The following ST6GALNAC3 variants were observed in gnomAD, a reference collection of about 807,000 sequenced individuals.
ST6GALNAC3 encodes the protein alpha-N-acetylgalactosaminide alpha-2,6-sialyltransferase 3.
Under a neutral mutation model 32.7 loss-of-function variants are expected in ST6GALNAC3, and 25 were observed. The observed-to-expected ratio is 0.76, with a 90% CI of 0.56 to 1.07. ST6GALNAC3 has a LOEUF of 1.07. Ranked by LOEUF, ST6GALNAC3 falls within the 50% of genes least tolerant of loss-of-function variation. ST6GALNAC3 has a pLI of 0.00. For synonymous variants in ST6GALNAC3, 129 were observed against 133.1 expected, an observed-to-expected ratio of 0.97 and a Z score of 0.21; for missense variants, 355 against 382.4, an observed-to-expected ratio of 0.93 and a Z score of 0.60.
intron 3 of ST6GALNAC3, among the ~76,000 whole-genome samples, chr1:76,491,473 G>A (rs538603933): frequency 1.3e-5 from 2 of 152,206 alleles, no homozygotes; most frequent in Non-Finnish European, 2.9e-5. Flanking sequence ...GGGAGGTGGT[G>A]TTCACCCCTG....
At chr1:76,171,817 C>CAA (rs11316194) in intron 1 of ST6GALNAC3, among the ~76,000 whole-genome samples, 1,509 of 133,026 alleles carry the variant, frequency 0.011, 26 homozygotes, top group African/African-American at 0.041. Flanking sequence ...AAAACAACAA[C>CAA]AAAAAAAAAA....
At chr1:76,085,494 A>G (rs1216109646) in intron 1 of ST6GALNAC3, among the ~76,000 whole-genome samples, 2 of 152,198 alleles carry the variant, frequency 1.3e-5, no homozygotes, top group Non-Finnish European at 2.9e-5. Flanking sequence ...TGAAGCTTAG[A>G]GAGGCCAAGT....
At chr1:76,436,189 G>A (rs1028922386) in intron 3 of ST6GALNAC3, among the ~76,000 whole-genome samples, 1 of 152,114 alleles carries the variant, frequency 6.6e-6, no homozygotes, top group African/African-American at 2.4e-5. Context: ...TTGTCTGTGT[G>A]TGTCAGTTTG....
chr1:76,524,507 T>C (rs953274430), intron 3 of ST6GALNAC3, among the ~76,000 whole-genome samples: 2 of 152,180 alleles, frequency 1.3e-5, no homozygotes, highest in African/African-American at 4.8e-5. Context: ...CTTTATGTTA[T>C]TCATATTCAT....
At chr1:76,358,106 G>A (rs760748330) in intron 2 of ST6GALNAC3, among the ~76,000 whole-genome samples, 47 of 152,026 alleles carry the variant, frequency 3.1e-4, no homozygotes, top group Middle Eastern at 3.4e-3. Flanking sequence ...GGTATGTCTC[G>A]AATCTCTCCA....
chr1:76,525,117 A>C (rs879781900), intron 3 of ST6GALNAC3, among the ~76,000 whole-genome samples: 1 of 152,136 alleles, frequency 6.6e-6, no homozygotes, highest in African/African-American at 2.4e-5. Context: ...GAGTAACAAT[A>C]TAAATGACTT....
intron 1 of ST6GALNAC3, among the ~76,000 whole-genome samples, chr1:76,178,387 A>G (rs1212573243): frequency 6.6e-6 from 1 of 152,230 alleles, no homozygotes; most frequent in African/African-American, 2.4e-5. Flanking sequence ...TCAGTGGATG[A>G]TGGACCAACC....
chr1:76,154,381 C>T (rs1467229222), intron 1 of ST6GALNAC3, among the ~76,000 whole-genome samples: 2 of 152,170 alleles, frequency 1.3e-5, no homozygotes, highest in Non-Finnish European at 2.9e-5. Context: ...CCCCGAAGAG[C>T]ACTGCATTTA....
At chr1:76,096,720 G>A (rs1352344821) in intron 1 of ST6GALNAC3, among the ~76,000 whole-genome samples, 4 of 151,330 alleles carry the variant, frequency 2.6e-5, no homozygotes, top group Non-Finnish European at 5.9e-5. Context: ...ACAGAACATC[G>A]TAGGTGTCCC....
intron 2 of ST6GALNAC3, among the ~76,000 whole-genome samples, chr1:76,394,947 T>C (rs11162145): frequency 0.29 from 44,014 of 152,056 alleles, 7,717 homozygotes; most frequent in East Asian, 0.6. Flanking sequence ...AAACCTGTTT[T>C]GTGAAATGAA....
At chr1:76,155,756 T>C (rs936991210) in intron 1 of ST6GALNAC3, among the ~76,000 whole-genome samples, 1 of 152,078 alleles carries the variant, frequency 6.6e-6, no homozygotes, top group African/African-American at 2.4e-5. Flanking sequence ...GGATTACAGG[T>C]GTGAGCCACC....
chr1:76,185,337 A>G (rs757658035), intron 1 of ST6GALNAC3, among the ~76,000 whole-genome samples: 2 of 152,208 alleles, frequency 1.3e-5, no homozygotes, highest in Non-Finnish European at 2.9e-5. Context: ...TTCACAACAC[A>G]TGCACCATTT....
chr1:76,341,155 G>A (rs900957753), intron 2 of ST6GALNAC3, among the ~76,000 whole-genome samples: 2 of 151,784 alleles, frequency 1.3e-5, no homozygotes, highest in Non-Finnish European at 2.9e-5. Flanking sequence ...CCCAAGTAGT[G>A]AATACAGAAC....
At chr1:76,613,137 A>C (rs186078541) in intron 3 of ST6GALNAC3, among the ~76,000 whole-genome samples, 1 of 152,130 alleles carries the variant, frequency 6.6e-6, no homozygotes, top group Non-Finnish European at 1.5e-5. Flanking sequence ...TACAAATGAC[A>C]CTCTTAATTT....
chr1:76,219,310 C>A (rs149629313), intron 1 of ST6GALNAC3, among the ~76,000 whole-genome samples: 23 of 152,308 alleles, frequency 1.5e-4, no homozygotes, highest in African/African-American at 5.5e-4. Flanking sequence ...TATTTCCCAG[C>A]CCCTCACTTA....
At chr1:76,404,043 G>A (rs779170051) in intron 2 of ST6GALNAC3, among the ~76,000 whole-genome samples, 1 of 151,878 alleles carries the variant, frequency 6.6e-6, no homozygotes, top group Non-Finnish European at 1.5e-5. Flanking sequence ...TATTATATAT[G>A]GCAACCGAGA....
chr1:76,097,140 A>G (rs1171448802), intron 1 of ST6GALNAC3, among the ~76,000 whole-genome samples: 1 of 152,114 alleles, frequency 6.6e-6, no homozygotes, highest in African/African-American at 2.4e-5. Flanking sequence ...GCTGGTCTTG[A>G]ACTACTGACC....
rs1434387464 is a variant in ST6GALNAC3, at chr1:76,509,216, A to G, written c.623+96799A>G. Among the ~76,000 whole-genome samples the G allele has an allele frequency of 3.3e-5, 5 of 152,214 alleles. No homozygotes were observed. The highest frequency in any genetic ancestry group is 9.6e-5 in the African/African-American group (4 of 41,466). On this transcript the variant is annotated intron_variant, in intron 3 of 4. Coordinates refer to ENST00000328299, the MANE Select transcript of ST6GALNAC3 (RefSeq NM_152996.4). This position sits in a 1 kb window ranked among gnomAD's most constrained non-coding sequence, Gnocchi z 5.5. The stretch of plus-strand genomic sequence containing the variant: ...GTCTAGGACAAATAAACAGGCAAAC[A>G]AACAGGAAAACACAAATTGGAAGAT...
chr1:76,251,482 G>C (rs372461469), intron 1 of ST6GALNAC3, among the ~76,000 whole-genome samples: 33 of 152,158 alleles, frequency 2.2e-4, no homozygotes, highest in African/African-American at 7.5e-4. Context: ...TTCTAGCCTT[G>C]TCTCACATAG....
Sources: gnomAD v4.1 joint callset for allele counts (sites outside exome capture counted in the v4.1 genomes callset) on GRCh38, gnomAD v4.1.1 for gene constraint, Gnocchi (gnomAD v3.1) non-coding constraint, MANE v1.5 for transcripts, NCBI Gene and HGNC (gene_info 2026-07-23, HGNC 2026-07-21) for gene names.